The following SLCO4C1 variants were observed in gnomAD, a reference collection of about 807,000 sequenced individuals.
SLCO4C1 encodes the protein solute carrier organic anion transporter family member 4C1.
SLCO4C1 carries 58 observed loss-of-function variants against 72.1 expected under a neutral mutation model. The observed-to-expected ratio is 0.80, with a 90% CI of 0.65 to 1.00. The LOEUF (loss-of-function observed/expected upper bound fraction) is 1.00, where lower values mean the gene tolerates loss of function less well. SLCO4C1 is among the 50% of genes least tolerant of loss of function. The pLI is 0.00. For synonymous variants in SLCO4C1, 297 were observed against 312.5 expected (o/e 0.95, Z 0.52); for missense variants, 898 against 857.9 (o/e 1.05, Z -0.58).
intron 2 of SLCO4C1, among the ~76,000 whole-genome samples, chr5:102,277,838 A>G (rs1240688442): frequency 6.6e-6 from 1 of 152,110 alleles, no homozygotes; most frequent in Non-Finnish European, 1.5e-5. Context: ...AGAAAAAAAC[A>G]CTCAAAAAGT....
intron 1 of SLCO4C1, among the ~76,000 whole-genome samples, chr5:102,295,419 T>C (rs1462833986): frequency 1.3e-5 from 2 of 152,202 alleles, no homozygotes; most frequent in African/African-American, 4.8e-5. Flanking sequence ...GTATCTAATT[T>C]ATACGATAGA....
chr5:102,291,346 CAA>C lies in SLCO4C1; in HGVS notation c.614_615del (p.Phe205Ter). On this transcript the variant is annotated frameshift_variant, in exon 2 of 13. Coordinates refer to ENST00000310954, the MANE Select transcript of SLCO4C1 (RefSeq NM_180991.5). LOFTEE classifies it high-confidence loss of function. ...FSGEYKLGSLFEDTCVTTRNS... is the reference protein window; with the variant it reads ...FSGEYKLGSLXEDTCVTTRNS... ...CATAAACACAATAGAAACTTACCTT[CAA>C]AAAGAGACCCCAATTTATATTCTCC... The C allele has an allele frequency of 6.2e-7, 1 of 1,611,452 alleles. No individual in the cohort carries two copies. Among genetic ancestry groups the C allele is most frequent in the Non-Finnish European group, 8.5e-7 (1 of 1,179,320 alleles).
intron 9 of SLCO4C1, among the ~76,000 whole-genome samples, chr5:102,248,828 A>T (rs1748682772): frequency 6.6e-6 from 1 of 152,158 alleles, no homozygotes. Context: ...ATTTATTTCC[A>T]AGGTTCTTAA....
intron 2 of SLCO4C1, among the ~76,000 whole-genome samples, chr5:102,285,190 C>T (rs1749426770): frequency 6.8e-6 from 1 of 146,606 alleles, no homozygotes; most frequent in Admixed American, 6.8e-5. Flanking sequence ...AGCAACCATC[C>T]AGGATAATTC....
intron 8 of SLCO4C1, among the ~76,000 whole-genome samples, chr5:102,253,905 G>A (rs903078734): frequency 2.6e-5 from 4 of 151,532 alleles, no homozygotes; most frequent in African/African-American, 9.7e-5. Context: ...AATATACCCA[G>A]GTAACAAATC....
chr5:102,270,604 A>G lies in SLCO4C1; in HGVS notation c.802+20T>C. 6.4e-7 allele frequency: 1 copy of G among 1,574,666 alleles called. No individual in the cohort carries two copies. Among genetic ancestry groups the G allele is most frequent in the Non-Finnish European group, 8.6e-7 (1 of 1,161,858 alleles). ...TAATAAGATAAAGTGATACTGAGAC[A>G]GTTTAGAGAGTAAACTTACCTATAT... On this transcript the variant is annotated intron_variant, in intron 3 of 12. Coordinates refer to ENST00000310954, the MANE Select transcript of SLCO4C1 (RefSeq NM_180991.5).
intron 8 of SLCO4C1, among the ~76,000 whole-genome samples, chr5:102,256,705 CTCT>C (rs1246379334): frequency 6.6e-6 from 1 of 152,186 alleles, no homozygotes; most frequent in Non-Finnish European, 1.5e-5. Context: ...ATTCTAATTT[CTCT>C]TCTTGTCTGT....
At position 102,270,737 on chromosome 5, in the gene SLCO4C1, T is replaced by C. The variant is rs1193375537; in HGVS notation, c.689A>G (p.Tyr230Cys). ...SSTSSLSNYL[Y>C]VFILGQLLLG... ...CAATAGTTGTCCCAAGATGAAGACA[T>C]ACAAGTAGTTAGAAAGTGAAGAAGT... Residue 230 changes from tyrosine to cysteine, a missense_variant, in exon 3 of 13, where the codon TAT becomes TGT. By Grantham distance (194) the Tyr-to-Cys change is radical. Transcript: ENST00000310954. 6.2e-7 allele frequency: 1 copy of C among 1,612,952 alleles called. No homozygotes were observed. The highest frequency in any genetic ancestry group is 1.7e-5 in the Admixed American group (1 of 59,878).
At chr5:102,287,069 A>G (rs1369184334) in intron 2 of SLCO4C1, among the ~76,000 whole-genome samples, 1 of 152,140 alleles carries the variant, frequency 6.6e-6, no homozygotes, top group Non-Finnish European at 1.5e-5. Flanking sequence ...TACATGTATA[A>G]TTTCAATTAA....
chr5:102,289,443 C>T (rs560161578), intron 2 of SLCO4C1, among the ~76,000 whole-genome samples: 14 of 152,256 alleles, frequency 9.2e-5, no homozygotes, highest in African/African-American at 3.4e-4. Context: ...GATTTTCGAG[C>T]AAGGTTTGTT....
In SLCO4C1 at chr5:102,236,168, T is replaced by C. The variant is rs1748428938; in HGVS notation, c.*690A>G. The C allele has an allele frequency of 6.6e-6, 1 of 152,226 alleles. No individual in the cohort carries two copies. The highest frequency in any genetic ancestry group is 6.5e-5 in the Admixed American group (1 of 15,282). 9.4% of individuals were successfully genotyped at this position (152,226 alleles called of 1,614,324 possible). On this transcript the variant is annotated 3_prime_UTR_variant, in exon 13 of 13. Transcript: ENST00000310954. ...AAATTACCTCCTGGAATTCTTGAGT[T>C]AAAGTGAAAATATGTGTATACAATG...
chr5:102,292,889 G>A (rs1448998636), intron 1 of SLCO4C1, among the ~76,000 whole-genome samples: 1 of 151,636 alleles, frequency 6.6e-6, no homozygotes, highest in Non-Finnish European at 1.5e-5. Flanking sequence ...TAAACTTACA[G>A]GAGTTTAAAC....
intron 6 of SLCO4C1, among the ~76,000 whole-genome samples, 185 bp downstream of exon 6, chr5:102,260,028 G>C (rs1409485265): frequency 6.6e-6 from 1 of 151,798 alleles, no homozygotes; most frequent in Non-Finnish European, 1.5e-5. Flanking sequence ...GTGGGTATGT[G>C]TTGGTGTGTG....
intron 2 of SLCO4C1, 131 bp from the exon 3 acceptor site, chr5:102,270,937 C>T: frequency 1.3e-6 from 1 of 793,730 alleles, no homozygotes; most frequent in Non-Finnish European, 1.9e-6. Context: ...TTGATTTAAA[C>T]TATTTAAAAA....
rs1748429119 is a variant in SLCO4C1 at position 102,236,198 on chromosome 5, T to C, written c.*660A>G. 6.6e-6 allele frequency: 1 copy of C among 152,232 alleles called. No homozygotes were observed. The highest frequency in any genetic ancestry group is 1.5e-5 in the Non-Finnish European group (1 of 68,040). The allele number at this position is 152,232 out of a possible 1,614,324, so 9.4% of individuals were successfully genotyped here. A position where few individuals can be genotyped will look rare whatever the true frequency, so the allele number is the denominator to read the frequency against. Reference sequence around the variant, plus strand: ...TGAAAATATGTGTATACAATGCTGATGTTTCTGTATTCACTATATACTAAG... The same window carrying C: ...TGAAAATATGTGTATACAATGCTGACGTTTCTGTATTCACTATATACTAAG... On this transcript the variant is annotated 3_prime_UTR_variant, in exon 13 of 13. Transcript: ENST00000310954.
chr5:102,273,356 GA>G (rs1749188573), intron 2 of SLCO4C1, among the ~76,000 whole-genome samples: 1 of 152,174 alleles, frequency 6.6e-6, no homozygotes, highest in East Asian at 1.9e-4. Flanking sequence ...AGAATCCCAG[GA>G]AAATCTGATG....
intron 10 of SLCO4C1, 80 bp from the exon 11 acceptor site, chr5:102,240,862 G>A: frequency 2.1e-6 from 2 of 959,728 alleles, no homozygotes; most frequent in Non-Finnish European, 1.6e-6. Context: ...ATTTATAAGA[G>A]TTTAGCATTC....
intron 8 of SLCO4C1, among the ~76,000 whole-genome samples, chr5:102,256,603 C>A (rs1008876623): frequency 6.6e-6 from 1 of 152,120 alleles, no homozygotes; most frequent in African/African-American, 2.4e-5. Flanking sequence ...AGAAACATGT[C>A]TACAGGTGAG....
intron 2 of SLCO4C1, among the ~76,000 whole-genome samples, chr5:102,280,884 G>A (rs1409486457): frequency 6.6e-6 from 1 of 151,988 alleles, no homozygotes; most frequent in African/African-American, 2.4e-5. Flanking sequence ...AGATTTGAGT[G>A]GGGACACAAA....
Sources: gnomAD v4.1 joint callset for allele counts (sites outside exome capture counted in the v4.1 genomes callset) on GRCh38, gnomAD v4.1.1 for gene constraint, MANE v1.5 for transcripts, NCBI Gene and HGNC (gene_info 2026-07-23, HGNC 2026-07-21) for gene names.